Variants in VWA8 observed in about 807,000 individuals in gnomAD.
VWA8 encodes the protein von Willebrand factor A domain containing 8, also known as von Willebrand factor A domain-containing protein 8.
VWA8 carries 221 observed loss-of-function variants against 241.5 expected under a neutral mutation model. That is an observed-to-expected ratio of 0.91 (90% confidence interval 0.82 to 1.02). The LOEUF (loss-of-function observed/expected upper bound fraction) is 1.02. Among genes scored for constraint, VWA8 ranks in the 50% least tolerant of loss-of-function variants. The pLI is 0.00. For missense variants in VWA8, 2,322 were observed against 2,328.7 expected, an observed-to-expected ratio of 1.00 and a Z score of 0.06; for synonymous variants, 852 against 827.1, an observed-to-expected ratio of 1.03 and a Z score of -0.52.
chr13:41,723,492 G>A (rs2045408808), intron 24 of VWA8, among the ~76,000 whole-genome samples: 2 of 152,140 alleles, frequency 1.3e-5, no homozygotes, highest in African/African-American at 4.8e-5. Context: ...GAAGCAGGGC[G>A]ACCCATTAGG....
intron 43 of VWA8, among the ~76,000 whole-genome samples, chr13:41,573,486 A>AATAAATATATAT (rs1555303591): frequency 1.8e-5 from 2 of 113,614 alleles, no homozygotes; most frequent in South Asian, 3.1e-4. Context: ...AAAAAAAAAA[A>AATAAATATATAT]ATATATATAT....
chr13:41,691,950 C>G lies in VWA8; in HGVS notation c.3676-12G>C, dbSNP rs201677636. ...ATTTTATAAGTTTCCTAAAGACAAA[C>G]AAAACAAGATATTCATATTAAATGT... On this transcript the variant is annotated splice_polypyrimidine_tract_variant and intron_variant, in intron 30 of 44. Transcript: ENST00000379310. 25 of 1,571,480 alleles carry G rather than the reference C, an allele frequency of 1.6e-5. No individual in the cohort carries two copies. The East Asian group carries it at 5.6e-4, about 35-fold the overall frequency.
intron 14 of VWA8, among the ~76,000 whole-genome samples, chr13:41,830,327 A>G (rs964613954): frequency 2.6e-5 from 4 of 151,986 alleles, no homozygotes; most frequent in Admixed American, 2.0e-4. Flanking sequence ...TAAAAAAAAA[A>G]AGTAAGGCTG....
intron 9 of VWA8, among the ~76,000 whole-genome samples, chr13:41,879,240 G>T (rs1221164684): frequency 6.6e-6 from 1 of 152,048 alleles, no homozygotes; most frequent in African/African-American, 2.4e-5. Context: ...TCAGAAGATG[G>T]TAATTTCCTG....
intron 24 of VWA8, among the ~76,000 whole-genome samples, chr13:41,724,752 G>C (rs2045419065): frequency 6.6e-6 from 1 of 152,202 alleles, no homozygotes; most frequent in African/African-American, 2.4e-5. Context: ...AAATGAAAGA[G>C]AATTTCCCTT....
chr13:41,824,300 C>T (rs1343560854), intron 14 of VWA8, among the ~76,000 whole-genome samples: 15 of 152,106 alleles, frequency 9.9e-5, no homozygotes, highest in Non-Finnish European at 1.5e-4. Context: ...GCGATGGAAA[C>T]CACTGAAGGA....
At chr13:41,653,541 T>C (rs1313142271) in intron 37 of VWA8, among the ~76,000 whole-genome samples, 1 of 152,182 alleles carries the variant, frequency 6.6e-6, no homozygotes, top group African/African-American at 2.4e-5. Flanking sequence ...GCATTCTTCA[T>C]AGAATTAGAA....
Position 41,701,520 on chromosome 13 carries a change from A to G in VWA8, c.3236T>C (p.Leu1079Pro). 6.4e-7 allele frequency: 1 copy of G among 1,573,950 alleles called. No homozygotes were observed. Among genetic ancestry groups the G allele is most frequent in the Non-Finnish European group, 8.6e-7 (1 of 1,165,500 alleles). The change falls in exon 28 of 45, where the codon CTT becomes CCT. Residue 1079 changes from leucine (L) to proline (P), a missense_variant. Transcript: ENST00000379310. ...THHIDIKGPALINIQEYPIER... is the reference protein window; with the variant it reads ...THHIDIKGPAPINIQEYPIER... ...TATTGGATACTCCTGTATATTTATA[A>G]GTGCTGGACCCTATAATAAAGCAGT... is the stretch of plus-strand genomic sequence containing the variant.
At chr13:41,838,764 G>A (rs764904540) in intron 12 of VWA8, among the ~76,000 whole-genome samples, 1 of 152,136 alleles carries the variant, frequency 6.6e-6, no homozygotes, top group Admixed American at 6.5e-5. Flanking sequence ...AGGTGTTCCT[G>A]TATTAGTTTG....
chr13:41,693,772 A>C (rs1388201979), intron 29 of VWA8, among the ~76,000 whole-genome samples: 2 of 152,086 alleles, frequency 1.3e-5, no homozygotes, highest in East Asian at 3.8e-4. Flanking sequence ...AAAAAATTAA[A>C]TATTTTAAAG....
chr13:41,715,106 T>C (rs1315990842), intron 26 of VWA8, among the ~76,000 whole-genome samples: 2 of 151,928 alleles, frequency 1.3e-5, no homozygotes, highest in African/African-American at 2.4e-5. Flanking sequence ...ATCTACAAGA[T>C]GCAATAATAT....
chr13:41,773,936 T>G (rs1868462776), intron 20 of VWA8, among the ~76,000 whole-genome samples: 1 of 152,192 alleles, frequency 6.6e-6, no homozygotes, highest in Non-Finnish European at 1.5e-5. Context: ...ATGGGCTACT[T>G]AACTATTTAC....
At chr13:41,720,725 T>A (rs1252987619) in intron 25 of VWA8, among the ~76,000 whole-genome samples, 1 of 152,156 alleles carries the variant, frequency 6.6e-6, no homozygotes. Flanking sequence ...TTTCTACTTT[T>A]CTTTCTAGGG....
chr13:41,858,562 T>C (rs1025420907), intron 12 of VWA8, among the ~76,000 whole-genome samples: 5 of 151,530 alleles, frequency 3.3e-5, no homozygotes, highest in East Asian at 3.9e-4. Flanking sequence ...ACCAATATCA[T>C]GCCACTGCAC....
chr13:41,743,011 T>C (rs2045579963), intron 21 of VWA8, among the ~76,000 whole-genome samples: 1 of 152,166 alleles, frequency 6.6e-6, no homozygotes, highest in Non-Finnish European at 1.5e-5. Flanking sequence ...GTTTTCCAGG[T>C]AGACTTGACA....
intron 40 of VWA8, among the ~76,000 whole-genome samples, chr13:41,594,530 T>A (rs1328467799): frequency 6.6e-6 from 1 of 152,118 alleles, no homozygotes; most frequent in African/African-American, 2.4e-5. Flanking sequence ...AATTCTACTG[T>A]CCTCTTTATT....
chr13:41,861,804 T>C (rs1003568010), intron 12 of VWA8, among the ~76,000 whole-genome samples: 4 of 152,092 alleles, frequency 2.6e-5, no homozygotes, highest in Admixed American at 1.3e-4. Flanking sequence ...AATCAGAGAT[T>C]AGACAAACAA....
intron 26 of VWA8, among the ~76,000 whole-genome samples, chr13:41,704,539 C>T (rs1218909287): frequency 5.3e-5 from 8 of 151,578 alleles, no homozygotes; most frequent in Non-Finnish European, 1.2e-4. Flanking sequence ...TCACAGCTCA[C>T]TGCATCCTTG....
Position 41,685,132 on chromosome 13 carries a change from G to T in VWA8, c.4242C>A (p.Ser1414Arg), listed in dbSNP as rs369805086. The T allele has an allele frequency of 1.2e-6, 2 of 1,613,514 alleles. No individual in the cohort carries two copies. Among genetic ancestry groups the T allele is most frequent in the South Asian group, 2.2e-5 (2 of 91,054 alleles). Residue 1414 changes from serine to arginine, a missense_variant, in exon 35 of 45, where the codon AGC becomes AGA. Physicochemically the swap from Ser to Arg is moderately radical, Grantham distance 110. Transcript: ENST00000379310. ...TCGTATCTAAAAGAGTCACACAATT[G>T]CTTTGTTTTGGAGTCCCCCTTTTCT... The part of the protein sequence containing the change: ...GKKKRGTPKQ[S>R]NCVTLLDTNQ...
Sources: allele counts gnomAD v4.1 joint callset (sites outside exome capture counted in the v4.1 genomes callset), GRCh38; gene constraint gnomAD v4.1.1; transcripts MANE v1.5; gene names NCBI Gene and HGNC (gene_info 2026-07-23, HGNC 2026-07-21).